The following SLC5A1 variants were observed in gnomAD, a reference collection of about 807,000 sequenced individuals.
The protein encoded by SLC5A1 is solute carrier family 5 member 1, also known as sodium/glucose cotransporter 1.
Under a neutral mutation model 73.5 loss-of-function variants are expected in SLC5A1, and 42 were observed. That is an observed-to-expected ratio of 0.57 (90% CI 0.45 to 0.74). The LOEUF (loss-of-function observed/expected upper bound fraction) is 0.74, where lower values mean the gene tolerates loss of function less well. Ranked by LOEUF, SLC5A1 falls within the 30% of genes least tolerant of loss-of-function variation. The pLI, the probability that SLC5A1 is intolerant of heterozygous loss-of-function variation, is 0.00. For synonymous variants in SLC5A1, 300 were observed against 317.4 expected (o/e 0.95, Z 0.58); for missense variants, 634 against 855.4 (o/e 0.74, Z 3.23).
Position 32,104,849 on chromosome 22 carries a change from G to A in SLC5A1, c.1729G>A (p.Glu577Lys), listed in dbSNP as rs2094042509. The change falls in exon 14 of 15, where the codon GAG (glutamate) becomes AAG (lysine). Residue 577 changes from glutamate (E) to lysine (K), a missense_variant. Around this residue, in one of 3 missense-constraint regions of SLC5A1, gnomAD observed 161 missense variants for 178.7 expected, o/e 0.90. Coordinates refer to ENST00000266088, the MANE Select transcript of SLC5A1 (RefSeq NM_000343.4). ...KEERIDLDAE[E>K]ENIQEGPKET... ...GGAGCGTATTGACCTGGATGCGGAA[G>A]AGGAGAACATCCAAGAAGGCCCTAA... 3.1e-6 allele frequency: 5 copies of A among 1,614,028 alleles called. No homozygotes were observed. Among genetic ancestry groups the A allele is most frequent in the Non-Finnish European group, 4.2e-6 (5 of 1,180,010 alleles).
At chr22:32,054,661 T>C (rs1342179512) in intron 2 of SLC5A1, among the ~76,000 whole-genome samples, 2 of 150,984 alleles carry the variant, frequency 1.3e-5, no homozygotes, top group African/African-American at 2.4e-5. Flanking sequence ...GGGGTACAGA[T>C]GGTATATTTA....
chr22:32,094,169 C>T (rs1029789289), intron 11 of SLC5A1, among the ~76,000 whole-genome samples: 2 of 151,926 alleles, frequency 1.3e-5, no homozygotes, highest in Admixed American at 1.3e-4. Flanking sequence ...TTAAACCATC[C>T]CTGCATCCCT....
intron 10 of SLC5A1, among the ~76,000 whole-genome samples, chr22:32,090,516 CAT>C (rs752375618): frequency 5.9e-5 from 9 of 152,106 alleles, no homozygotes; most frequent in Non-Finnish European, 8.8e-5. Flanking sequence ...TATTCCATCA[CAT>C]GTTTACCCAT....
intron 1 of SLC5A1, among the ~76,000 whole-genome samples, chr22:32,048,651 C>A (rs1418922966): frequency 1.3e-5 from 2 of 152,058 alleles, no homozygotes; most frequent in African/African-American, 4.8e-5. Context: ...CACATTCCTC[C>A]CTCTTCTCTA....
At position 32,043,934 on chromosome 22, in the gene SLC5A1, C is replaced by T. The variant is rs1395540571; in HGVS notation, c.135+518C>T. Among the ~76,000 whole-genome samples, 1 of 152,148 alleles carries T rather than the reference C, an allele frequency of 6.6e-6. No homozygotes were observed. The highest frequency in any genetic ancestry group is 1.5e-5 in the Non-Finnish European group (1 of 68,038). ...GCCCCACTCCTGGGAGAGGCTAACC[C>T]AGAGGCCTTGTGCATGAGGATCCCA... On this transcript the variant is annotated intron_variant, in intron 1 of 14. Transcript: ENST00000266088. This position sits in a 1 kb window ranked among gnomAD's most constrained non-coding sequence, Gnocchi z 6.5.
chr22:32,085,150 C>A, intron 9 of SLC5A1, 115 bp downstream of exon 9: 1 of 1,247,342 alleles, frequency 8.0e-7, no homozygotes, highest in Non-Finnish European at 1.2e-6. Context: ...AGGTCTCACT[C>A]TGTCACCCAG....
In SLC5A1 at chr22:32,104,851, G is replaced by T. The variant is rs199554498; in HGVS notation, c.1731G>T (p.Glu577Asp). 3 of 1,614,156 alleles carry T rather than the reference G, an allele frequency of 1.9e-6. No homozygotes were observed. The highest frequency in any genetic ancestry group is 2.5e-6 in the Non-Finnish European group (3 of 1,180,008). Residue 577 changes from glutamate to aspartate, a missense_variant, in exon 14 of 15, where the codon GAG becomes GAT. Physicochemically the swap from Glu to Asp is conservative, Grantham distance 45. Transcript: ENST00000266088. ...KEERIDLDAEEENIQEGPKET... is the reference protein window; with the variant it reads ...KEERIDLDAEDENIQEGPKET... Reference sequence around the variant, plus strand: ...AGCGTATTGACCTGGATGCGGAAGAGGAGAACATCCAAGAAGGCCCTAAGG... The same window carrying T: ...AGCGTATTGACCTGGATGCGGAAGATGAGAACATCCAAGAAGGCCCTAAGG...
chr22:32,094,152 G>A (rs949469735), intron 11 of SLC5A1, among the ~76,000 whole-genome samples: 1 of 152,076 alleles, frequency 6.6e-6, no homozygotes, highest in African/African-American at 2.4e-5. Context: ...TTATTGACTT[G>A]CATATGTTAA....
rs756771748 is a variant in SLC5A1 at position 32,102,120 on chromosome 22, C to T, written c.1548C>T (p.Asn516=). 3.7e-6 allele frequency: 6 copies of T among 1,613,764 alleles called. No individual in the cohort carries two copies. The highest frequency in any genetic ancestry group is 4.2e-6 in the Non-Finnish European group (5 of 1,179,818). ...CCGGGAGCTGCATGGAGCCCAGCAA[C>T]TGTCCCACGATTATCTGTGGGGTGC... ...YGTGSCMEPS[N]CPTIICGVHY... Residue 516 remains asparagine (N), a synonymous_variant, in exon 13 of 15, where the codon AAC becomes AAT. Transcript: ENST00000266088.
rs201862174 is a variant in SLC5A1 at position 32,104,883 on chromosome 22, T to A, written c.1763T>A (p.Ile588Asn). 6.2e-7 allele frequency: 1 copy of A among 1,609,290 alleles called. No individual in the cohort carries two copies. ...ATCCAAGAAGGCCCTAAGGAGACCA[T>A]TGAAATAGGTGACTTATGACCCAGA... is the stretch of plus-strand genomic sequence containing the variant. ...ENIQEGPKET[I>N]EIETQVPEKK... The change falls in exon 14 of 15, where the codon ATT becomes AAT. Residue 588 changes from isoleucine to asparagine, a missense_variant. By Grantham distance (149) the Ile-to-Asn change is moderately radical. This residue lies in a region of SLC5A1 where 161 missense variants were observed against 178.7 expected (regional missense o/e 0.90). Coordinates refer to ENST00000266088, the MANE Select transcript of SLC5A1 (RefSeq NM_000343.4).
At chr22:32,048,266 A>G (rs1438999672) in intron 1 of SLC5A1, among the ~76,000 whole-genome samples, 2 of 152,164 alleles carry the variant, frequency 1.3e-5, no homozygotes, top group African/African-American at 4.8e-5. Context: ...AAGAGGGAAG[A>G]TGGCCAGGGG....
At chr22:32,055,502 T>C (rs758545683) in intron 2 of SLC5A1, among the ~76,000 whole-genome samples, 2 of 152,150 alleles carry the variant, frequency 1.3e-5, no homozygotes, top group Non-Finnish European at 2.9e-5. Flanking sequence ...AGAAGGAATA[T>C]GAAAACATGA....
chr22:32,043,702 AGT>A lies in SLC5A1; in HGVS notation c.135+289_135+290del, dbSNP rs1164424168. On this transcript the variant is annotated intron_variant, in intron 1 of 14. Coordinates refer to ENST00000266088, the MANE Select transcript of SLC5A1 (RefSeq NM_000343.4). The surrounding 1 kb of genome is among the most constrained non-coding windows in gnomAD (Gnocchi z 6.5). ...TGGGGGTTTGAAGAGACCGCTGGAA[AGT>A]GTAAGGGGCAGGAAAGCGGCTGCTT... is the stretch of plus-strand genomic sequence containing the variant. Among the ~76,000 whole-genome samples the A allele has an allele frequency of 6.6e-6, 1 of 152,146 alleles. No homozygotes were observed. Among genetic ancestry groups the A allele is most frequent in the Non-Finnish European group, 1.5e-5 (1 of 68,028 alleles).
rs1021635187 is a variant in SLC5A1, at chr22:32,112,186, T to C, written c.*1973T>C. On this transcript the variant is annotated 3_prime_UTR_variant, in exon 15 of 15. Coordinates refer to ENST00000266088, the MANE Select transcript of SLC5A1 (RefSeq NM_000343.4). The stretch of plus-strand genomic sequence containing the variant: ...TTTATTTAAATAAGTAGGTGCTCAA[T>C]AGGTGTTGGTCTTCTAACTTGTCTA... 3.9e-5 allele frequency: 6 copies of C among 152,214 alleles called. No individual in the cohort carries two copies. The highest frequency in any genetic ancestry group is 1.4e-4 in the African/African-American group (6 of 41,456). The allele number at this position is 152,214 out of a possible 1,614,324, so 9.4% of individuals were successfully genotyped here. A position where few individuals can be genotyped will look rare whatever the true frequency, so the allele number is the denominator to read the frequency against.
At chr22:32,109,893 C>A (rs2094053063) in intron 14 of SLC5A1, 97 bp from the exon 15 acceptor site, 2 of 891,524 alleles carry the variant, frequency 2.2e-6, no homozygotes, top group Non-Finnish European at 3.6e-6. Context: ...GAAATTTCTG[C>A]AGAATAGCAG....
At chr22:32,097,806 T>C (rs2094028786) in intron 11 of SLC5A1, among the ~76,000 whole-genome samples, 1 of 152,228 alleles carries the variant, frequency 6.6e-6, no homozygotes, top group African/African-American at 2.4e-5. Context: ...ATTTAAAACT[T>C]GTTTATCAAA....
chr22:32,082,748 G>A (rs1005464239), intron 6 of SLC5A1, among the ~76,000 whole-genome samples: 6 of 152,170 alleles, frequency 3.9e-5, no homozygotes, highest in Admixed American at 2.0e-4. Context: ...GCTCCTCCCT[G>A]CCTTGTGTGT....
intron 5 of SLC5A1, among the ~76,000 whole-genome samples, chr22:32,076,116 G>C (rs2093990530): frequency 6.6e-6 from 1 of 152,194 alleles, no homozygotes; most frequent in Admixed American, 6.5e-5. Flanking sequence ...TGCCACGAAG[G>C]CTTGGGGAGA....
At chr22:32,092,302 T>G (rs992604187) in intron 11 of SLC5A1, among the ~76,000 whole-genome samples, 2 of 152,236 alleles carry the variant, frequency 1.3e-5, no homozygotes, top group Admixed American at 6.5e-5. Flanking sequence ...CTGAGTAGGA[T>G]TCCATCATAT....
Sources: allele counts gnomAD v4.1 joint callset (sites outside exome capture counted in the v4.1 genomes callset), GRCh38; gene constraint gnomAD v4.1.1; regional missense constraint gnomAD v4.1.1; non-coding constraint Gnocchi (gnomAD v3.1); transcripts MANE v1.5; gene names NCBI Gene and HGNC (gene_info 2026-07-23, HGNC 2026-07-21).